The following AIG1 variants were observed in gnomAD, a reference collection of about 807,000 sequenced individuals.
AIG1 encodes the protein androgen-induced gene 1 protein.
Under a neutral mutation model 31.4 loss-of-function variants are expected in AIG1, and 23 were observed. The ratio of observed to expected loss-of-function variants is 0.73; its 90% CI spans 0.53 to 1.04. The LOEUF is 1.04. Among genes scored for constraint, AIG1 ranks in the 50% least tolerant of loss-of-function variants. The pLI is 0.00. For synonymous variants in AIG1, 100 were observed against 110.5 expected (o/e 0.90, Z 0.60); for missense variants, 274 against 295.0 (o/e 0.93, Z 0.52).
At chr6:143,219,160 A>G (rs183652745) in intron 3 of AIG1, among the ~76,000 whole-genome samples, 1 of 152,260 alleles carries the variant, frequency 6.6e-6, no homozygotes, top group East Asian at 1.9e-4. Context: ...AGCAAATGCC[A>G]TATCTGTAAA....
intron 1 of AIG1, chr6:143,061,595 A>T (rs911652983): frequency 3.4e-6 from 1 of 290,922 alleles, no homozygotes; most frequent in African/African-American, 2.2e-5. Context: ...TCTTCTTTGC[A>T]TCTGTTTTTT....
At chr6:143,287,351 G>C (rs1298503151) in intron 4 of AIG1, among the ~76,000 whole-genome samples, 1 of 152,112 alleles carries the variant, frequency 6.6e-6, no homozygotes, top group Non-Finnish European at 1.5e-5. Flanking sequence ...TTAGAGATAG[G>C]CATGATCTTG....
At chr6:143,252,004 G>A (rs997779878) in intron 3 of AIG1, among the ~76,000 whole-genome samples, 10 of 152,094 alleles carry the variant, frequency 6.6e-5, no homozygotes, top group Admixed American at 1.3e-4. Flanking sequence ...TCCCTTTCGC[G>A]TATCACTTAT....
chr6:143,300,234 A>G (rs905891682), intron 4 of AIG1, among the ~76,000 whole-genome samples: 4 of 152,214 alleles, frequency 2.6e-5, no homozygotes, highest in African/African-American at 9.6e-5. Context: ...TTCAGAGATG[A>G]ATTTCTGCAC....
chr6:143,088,840 A>C (rs1329965723), intron 1 of AIG1, among the ~76,000 whole-genome samples: 5 of 152,214 alleles, frequency 3.3e-5, no homozygotes. Context: ...TTTGCAACTA[A>C]TTGTAAATGA....
intron 1 of AIG1, among the ~76,000 whole-genome samples, chr6:143,116,670 G>A (rs1781766795): frequency 6.9e-6 from 1 of 145,844 alleles, no homozygotes; most frequent in Non-Finnish European, 1.5e-5. Context: ...AGGCAGAAGA[G>A]ACCCAGAGCC....
At chr6:143,106,157 C>G (rs559629047) in intron 1 of AIG1, among the ~76,000 whole-genome samples, 1 of 152,130 alleles carries the variant, frequency 6.6e-6, no homozygotes, top group Admixed American at 6.5e-5. Context: ...GACTGGTATT[C>G]TTATAAAAAG....
At chr6:143,321,094 A>G (rs1220645388) in intron 4 of AIG1, among the ~76,000 whole-genome samples, 10 of 151,606 alleles carry the variant, frequency 6.6e-5, no homozygotes. Context: ...TGCTGGGATT[A>G]CAGGCGTGAG....
chr6:143,211,765 C>T (rs962661778), intron 3 of AIG1, among the ~76,000 whole-genome samples: 16 of 151,934 alleles, frequency 1.1e-4, no homozygotes, highest in African/African-American at 3.6e-4. Flanking sequence ...TGGTGGCACA[C>T]GCTTGTAAGC....
At chr6:143,307,112 T>G (rs2128703672) in intron 4 of AIG1, among the ~76,000 whole-genome samples, 1 of 152,308 alleles carries the variant, frequency 6.6e-6, no homozygotes, top group East Asian at 1.9e-4. Context: ...CTAAATTTTT[T>G]TCAAAGTTTT....
intron 1 of AIG1, among the ~76,000 whole-genome samples, chr6:143,125,833 T>C (rs1782641984): frequency 6.6e-6 from 1 of 152,266 alleles, no homozygotes; most frequent in Non-Finnish European, 1.5e-5. Flanking sequence ...ATGTACATTA[T>C]TTCTGACTGG....
At chr6:143,257,451 T>C (rs1795447907) in intron 3 of AIG1, among the ~76,000 whole-genome samples, 1 of 152,238 alleles carries the variant, frequency 6.6e-6, no homozygotes, top group Non-Finnish European at 1.5e-5. Flanking sequence ...TAAACGCTTG[T>C]GAATCTTTAG....
At chr6:143,343,777 G>A (rs867497240), downstream of AIG1, among the ~76,000 whole-genome samples, 2 of 151,992 alleles carry the variant, frequency 1.3e-5, no homozygotes, top group Admixed American at 6.6e-5. Context: ...TGTTATATAG[G>A]TAAACTTGTG....
chr6:143,237,525 AG>A (rs1373456850), intron 3 of AIG1, among the ~76,000 whole-genome samples: 1 of 152,238 alleles, frequency 6.6e-6, no homozygotes, highest in Admixed American at 6.5e-5. Flanking sequence ...ACTTGAAATC[AG>A]AAAAGCAGGA....
At chr6:143,317,691 A>C (rs980142518) in intron 4 of AIG1, among the ~76,000 whole-genome samples, 2 of 151,536 alleles carry the variant, frequency 1.3e-5, no homozygotes, top group Admixed American at 1.3e-4. Flanking sequence ...ATTGGTATAG[A>C]GGAAGTCAAA....
chr6:143,180,823 AGTT>A, intron 3 of AIG1, among the ~76,000 whole-genome samples: 1 of 152,306 alleles, frequency 6.6e-6, no homozygotes, highest in Admixed American at 6.5e-5. Context: ...TTGATTTGTC[AGTT>A]GTTCTTGTTA....
chr6:143,193,042 G>A (rs1235375064), intron 3 of AIG1, among the ~76,000 whole-genome samples: 1 of 152,202 alleles, frequency 6.6e-6, no homozygotes, highest in Admixed American at 6.5e-5. Context: ...CCATGATGGT[G>A]CAACCAAGAG....
At chr6:143,295,984 A>G (rs1798397470) in intron 4 of AIG1, among the ~76,000 whole-genome samples, 1 of 152,210 alleles carries the variant, frequency 6.6e-6, no homozygotes. Context: ...TTTCTAAGAT[A>G]GACTTTAATA....
At chr6:143,267,143 A>C (rs1297357145) in intron 3 of AIG1, among the ~76,000 whole-genome samples, 1 of 152,162 alleles carries the variant, frequency 6.6e-6, no homozygotes. Flanking sequence ...AAATTCTGGA[A>C]GTCATGGTGC....
Sources: gnomAD v4.1 joint callset for allele counts (sites outside exome capture counted in the v4.1 genomes callset) on GRCh38, gnomAD v4.1.1 for gene constraint, MANE v1.5 for transcripts, NCBI Gene and HGNC (gene_info 2026-07-23, HGNC 2026-07-21) for gene names.